Variants in FUT9 observed in about 807,000 individuals in gnomAD.
FUT9 encodes the protein 4-galactosyl-N-acetylglucosaminide 3-alpha-L-fucosyltransferase 9.
FUT9 carries 15 observed loss-of-function variants against 29.7 expected under a neutral mutation model. The observed-to-expected ratio is 0.51, with a 90% CI of 0.34 to 0.78. The LOEUF (loss-of-function observed/expected upper bound fraction) is 0.78, where lower values mean the gene tolerates loss of function less well. Ranked by LOEUF, FUT9 falls within the 30% of genes least tolerant of loss-of-function variation. The pLI, the probability that FUT9 is intolerant of heterozygous loss-of-function variation, is 0.01. For missense variants in FUT9, 319 were observed against 425.4 expected, an observed-to-expected ratio of 0.75 and a Z score of 2.20; for synonymous variants, 169 against 153.7, an observed-to-expected ratio of 1.10 and a Z score of -0.74.
At chr6:96,055,531 C>CT (rs964395485) in intron 1 of FUT9, among the ~76,000 whole-genome samples, 20 of 148,400 alleles carry the variant, frequency 1.3e-4, no homozygotes, top group Admixed American at 7.4e-4. Flanking sequence ...TCTTTTTTTC[C>CT]TTTTTTTTTA....
intron 2 of FUT9, among the ~76,000 whole-genome samples, chr6:96,191,050 G>T (rs1294830859): frequency 6.6e-6 from 1 of 152,012 alleles, no homozygotes; most frequent in South Asian, 2.1e-4. Flanking sequence ...CTCTACCTTT[G>T]GTCTTTGATG....
At chr6:96,069,871 C>T (rs9322640) in intron 1 of FUT9, among the ~76,000 whole-genome samples, 141,198 of 152,094 alleles carry the variant, frequency 0.93, 66,238 homozygotes, top group East Asian at 1. Context: ...GACCTCGTAA[C>T]TTACCCTCCT....
chr6:96,116,799 A>G (rs1047558246), intron 2 of FUT9, among the ~76,000 whole-genome samples: 3 of 152,152 alleles, frequency 2.0e-5, no homozygotes, highest in Non-Finnish European at 4.4e-5. Context: ...ATTGAGTTGG[A>G]GTTATAAGAG....
At chr6:96,077,504 T>C (rs552752617) in intron 1 of FUT9, among the ~76,000 whole-genome samples, 5 of 152,276 alleles carry the variant, frequency 3.3e-5, no homozygotes, top group African/African-American at 1.2e-4. Flanking sequence ...CTCAAAATTA[T>C]CTGGTAATCT....
At chr6:96,096,139 C>T (rs909071963) in intron 1 of FUT9, among the ~76,000 whole-genome samples, 1 of 152,024 alleles carries the variant, frequency 6.6e-6, no homozygotes, top group Non-Finnish European at 1.5e-5. Context: ...AAAGTCTTAT[C>T]ATCACTCTTA....
chr6:96,187,721 A>G (rs981807218), intron 2 of FUT9, among the ~76,000 whole-genome samples: 2 of 152,202 alleles, frequency 1.3e-5, no homozygotes, highest in Admixed American at 6.6e-5. Context: ...AGTGATTAAA[A>G]TAAATATTTT....
intron 2 of FUT9, among the ~76,000 whole-genome samples, chr6:96,196,821 ATCT>A (rs1198420553): frequency 1.3e-5 from 2 of 152,164 alleles, no homozygotes; most frequent in Non-Finnish European, 2.9e-5. Flanking sequence ...AAGAGGCAAG[ATCT>A]TCTCTGGAAT....
At position 96,186,601 on chromosome 6, in the gene FUT9, A is replaced by C. The variant is rs9322721; in HGVS notation, c.-8-16547A>C. Among the ~76,000 whole-genome samples the C allele has an allele frequency of 9.5e-3, 1,441 of 152,196 alleles. 31 individuals are homozygous for C. In the East Asian group the frequency reaches 0.095, roughly 10 times the overall value. On this transcript the variant is annotated intron_variant, in intron 2 of 2. Coordinates refer to ENST00000302103, the MANE Select transcript of FUT9 (RefSeq NM_006581.4). ...TTATCTGTATAGAAAGAGATTTATT[A>C]TAAGGTATTGGCTCACACGATTATG...
At chr6:96,016,999 G>A (rs755093159) in intron 1 of FUT9, among the ~76,000 whole-genome samples, 4 of 152,190 alleles carry the variant, frequency 2.6e-5, no homozygotes, top group Non-Finnish European at 2.9e-5. Context: ...TCTTAGCTGA[G>A]TACAGGAAAT....
rs375939430 is a variant in FUT9, at chr6:96,206,767, G to GT, written c.*2540dup. On this transcript the variant is annotated 3_prime_UTR_variant, in exon 3 of 3. Coordinates refer to ENST00000302103, the MANE Select transcript of FUT9 (RefSeq NM_006581.4). The stretch of plus-strand genomic sequence containing the variant: ...ATGAGCCACTGTGTCTGGCCCACCT[G>GT]TTTTTTTTGAAGGCAGAAAAACATT... 3.6e-5 allele frequency: 6 copies of GT among 166,518 alleles called. No individual in the cohort carries two copies. The highest frequency in any genetic ancestry group is 4.8e-5 in the African/African-American group (2 of 41,428). 10.3% of individuals were successfully genotyped at this position (166,518 alleles called of 1,614,324 possible).
intron 1 of FUT9, among the ~76,000 whole-genome samples, chr6:96,072,083 CTATT>C (rs1771072783): frequency 1.3e-5 from 2 of 152,186 alleles, no homozygotes; most frequent in South Asian, 2.1e-4. Context: ...GACCTTATCT[CTATT>C]TAAGAAGAAA....
chr6:96,167,468 T>C (rs1773035059), intron 2 of FUT9, among the ~76,000 whole-genome samples: 1 of 152,130 alleles, frequency 6.6e-6, no homozygotes, highest in Non-Finnish European at 1.5e-5. Context: ...TTATTAATCA[T>C]TTACACGTAC....
At chr6:96,094,370 C>T (rs1364138153) in intron 1 of FUT9, among the ~76,000 whole-genome samples, 1 of 151,898 alleles carries the variant, frequency 6.6e-6, no homozygotes, top group Non-Finnish European at 1.5e-5. Context: ...TAATAATGGC[C>T]CCAAAGCACA....
chr6:96,059,172 G>T (rs1770829365), intron 1 of FUT9, among the ~76,000 whole-genome samples: 1 of 152,114 alleles, frequency 6.6e-6, no homozygotes, highest in Non-Finnish European at 1.5e-5. Flanking sequence ...AACGGAAAAA[G>T]CCCCAAGAGT....
In FUT9 at chr6:96,039,169, A is replaced by G. The variant is rs77793941; in HGVS notation, c.-98+22957A>G. ...TGGGCACATAATTTACGCTCAGCAG[A>G]TGTTTATTCAATTGAACTGAACATC... is the stretch of plus-strand genomic sequence containing the variant. On this transcript the variant is annotated intron_variant, in intron 1 of 2. Transcript: ENST00000302103. 5.6e-3 allele frequency among the ~76,000 whole-genome samples: 845 copies of G among 152,188 alleles called. 14 individuals are homozygous for G. Among genetic ancestry groups the G allele is most frequent in the African/African-American group, 0.02 (819 of 41,532 alleles).
chr6:96,033,985 A>G (rs1279035594), intron 1 of FUT9, among the ~76,000 whole-genome samples: 1 of 151,680 alleles, frequency 6.6e-6, no homozygotes, highest in Non-Finnish European at 1.5e-5. Flanking sequence ...AAAATTTAAA[A>G]AAAGGCATAA....
At chr6:96,048,328 T>C (rs921094302) in intron 1 of FUT9, among the ~76,000 whole-genome samples, 1 of 152,178 alleles carries the variant, frequency 6.6e-6, no homozygotes, top group Non-Finnish European at 1.5e-5. Context: ...GGAGGTTCAT[T>C]CTGCCTGTCA....
chr6:96,044,903 T>C (rs1454703316), intron 1 of FUT9, among the ~76,000 whole-genome samples: 1 of 152,200 alleles, frequency 6.6e-6, no homozygotes, highest in South Asian at 2.1e-4. Flanking sequence ...CATTAATTAC[T>C]GCTGATACAT....
At position 96,214,700 on chromosome 6, in the gene FUT9, A is replaced by G. The variant is rs1446202057; in HGVS notation, c.*10465A>G. On this transcript the variant is annotated 3_prime_UTR_variant, in exon 3 of 3. Transcript: ENST00000302103. ...TCTCCTCCCATGAAATTAATCATTC[A>G]TGGTAATATATTAAGGCTGGAACGT... The G allele has an allele frequency of 1.2e-5, 2 of 167,014 alleles. No individual in the cohort carries two copies. The highest frequency in any genetic ancestry group is 6.6e-5 in the Admixed American group (1 of 15,266). 10.3% of individuals were successfully genotyped at this position (167,014 alleles called of 1,614,324 possible).
Sources: gnomAD v4.1 joint callset for allele counts (sites outside exome capture counted in the v4.1 genomes callset) on GRCh38, gnomAD v4.1.1 for gene constraint, MANE v1.5 for transcripts, NCBI Gene and HGNC (gene_info 2026-07-23, HGNC 2026-07-21) for gene names.